Variants in ITGAM observed in about 807,000 individuals in gnomAD.
ITGAM encodes integrin alpha-M.
A neutral mutation model predicts 137.5 loss-of-function variants in ITGAM; 79 were observed. The observed-to-expected ratio is 0.57, with a 90% CI of 0.48 to 0.69. ITGAM has a LOEUF of 0.69. ITGAM is among the 30% of genes least tolerant of loss of function. ITGAM has a pLI of 0.00. For synonymous variants in ITGAM, 583 were observed against 592.3 expected (o/e 0.98, Z 0.23); for missense variants, 1,343 against 1,483.5 (o/e 0.91, Z 1.56).
At chr16:31,302,620 C>T (rs566681908) in intron 14 of ITGAM, among the ~76,000 whole-genome samples, 16 of 151,156 alleles carry the variant, frequency 1.1e-4, no homozygotes, top group Admixed American at 5.9e-4. Context: ...CTGCAACCTC[C>T]GCATCCCAGG....
At chr16:31,262,585 T>G (rs1596964436) in intron 2 of ITGAM, among the ~76,000 whole-genome samples, 1 of 151,948 alleles carries the variant, frequency 6.6e-6, no homozygotes, top group Non-Finnish European at 1.5e-5. Context: ...TGATTTTTTT[T>G]GTATAGACGA....
intron 12 of ITGAM, among the ~76,000 whole-genome samples, chr16:31,285,056 T>G (rs983946152): frequency 9.2e-5 from 14 of 152,076 alleles, no homozygotes; most frequent in African/African-American, 3.4e-4. Flanking sequence ...ATTCCTGTCC[T>G]TTTAAGGGCT....
In ITGAM at chr16:31,276,669, A is replaced by C; in HGVS notation, c.1010-2A>C. 1 of 1,607,908 alleles carries C rather than the reference A, an allele frequency of 6.2e-7. No individual in the cohort carries two copies. Among genetic ancestry groups the C allele is most frequent in the Non-Finnish European group, 8.5e-7 (1 of 1,176,272 alleles). ...TAATATAGAAACTTCTCCTCTTTAC[A>C]GGTACTCAGACAGGAAGTAGCAGCT... On this transcript the variant is annotated splice_acceptor_variant, in intron 9 of 29. Transcript: ENST00000544665. LOFTEE classifies it high-confidence loss of function.
At position 31,324,141 on chromosome 16, in the gene ITGAM, AAGT is replaced by A. The variant is rs1286069681; in HGVS notation, c.2003-255_2003-253del. On this transcript the variant is annotated intron_variant, in intron 16 of 29. Transcript: ENST00000544665. This position sits in a 1 kb window ranked among gnomAD's most constrained non-coding sequence, Gnocchi z 4.5. ...AGAAGGGAAGGAAGGAAAGGAAGGA[AAGT>A]AGGAAAGGAAGGAAAGGAAGAAAAG... 1.7e-4 allele frequency among the ~76,000 whole-genome samples: 26 copies of A among 150,534 alleles called. No homozygotes were observed. The highest frequency in any genetic ancestry group is 6.8e-3 in the Middle Eastern group (2 of 294).
rs1389726970 is a variant in ITGAM at position 31,290,095 on chromosome 16, A to AT, written c.1357-7419_1357-7418insT. Among the ~76,000 whole-genome samples, 3 of 151,970 alleles carry AT rather than the reference A, an allele frequency of 2.0e-5. No homozygotes were observed. In the East Asian group the frequency reaches 5.8e-4, roughly 29 times the overall value. On this transcript the variant is annotated intron_variant, in intron 12 of 29. Coordinates refer to ENST00000544665, the MANE Select transcript of ITGAM (RefSeq NM_000632.4). ...AAACTCCATCCAAAAAAAAAAAAAA[A>AT]AAAAAAGAAATACAACTGATTCTTA...
intron 5 of ITGAM, among the ~76,000 whole-genome samples, chr16:31,270,167 C>CCTT (rs1334791432): frequency 0.035 from 1,344 of 38,926 alleles, 34 homozygotes; most frequent in African/African-American, 0.09. Context: ...CCTTTCCTTT[C>CCTT]CTTTCCTTTC....
chr16:31,315,961 G>A (rs1483899766), intron 14 of ITGAM, among the ~76,000 whole-genome samples: 1 of 151,600 alleles, frequency 6.6e-6, no homozygotes, highest in Non-Finnish European at 1.5e-5. Flanking sequence ...TTGGAAGGCT[G>A]AGGCGGGTGG....
rs754880491 is a variant in ITGAM at position 31,328,193 on chromosome 16, C to G, written c.2755C>G (p.Leu919Val). ...CAACAAAACCGAATTCCAACTGGAG[C>G]TGCCGGTGAAATATGCTGTCTACAT... is the stretch of plus-strand genomic sequence containing the variant. ...RTNKTEFQLE[L>V]PVKYAVYMVV... The change falls in exon 23 of 30, where the codon CTG becomes GTG. Residue 919 changes from leucine to valine, a missense_variant. Transcript: ENST00000544665. 6.8e-6 allele frequency: 11 copies of G among 1,613,976 alleles called. No homozygotes were observed. The Admixed American group carries it at 1.7e-4, about 24-fold the overall frequency.
At chr16:31,308,811 A>G (rs2080292825) in intron 14 of ITGAM, among the ~76,000 whole-genome samples, 1 of 151,872 alleles carries the variant, frequency 6.6e-6, no homozygotes, top group South Asian at 2.1e-4. Context: ...TTCCCTCTAC[A>G]CACTACTTTG....
chr16:31,263,273 T>C (rs1391290468), intron 2 of ITGAM, among the ~76,000 whole-genome samples: 1 of 152,238 alleles, frequency 6.6e-6, no homozygotes, highest in Non-Finnish European at 1.5e-5. Flanking sequence ...TTAGATCTCT[T>C]GTTAATGAAC....
At chr16:31,291,927 T>C (rs185769531) in intron 12 of ITGAM, among the ~76,000 whole-genome samples, 168 of 152,190 alleles carry the variant, frequency 1.1e-3, no homozygotes, top group African/African-American at 3.8e-3. Flanking sequence ...TCAAAATAAC[T>C]ACAGGAATGG....
chr16:31,297,744 G>A lies in ITGAM; in HGVS notation c.1498-1G>A. On this transcript the variant is annotated splice_acceptor_variant, in intron 13 of 29. Coordinates refer to ENST00000544665, the MANE Select transcript of ITGAM (RefSeq NM_000632.4). LOFTEE classifies it high-confidence loss of function. ...GGCCTGATACTGTTTGTGTTTAGCA[G>A]AGGGCTCGGTGGCAGTGTGATGCTG... 1 of 1,595,450 alleles carries A rather than the reference G, an allele frequency of 6.3e-7. No individual in the cohort carries two copies. Among genetic ancestry groups the A allele is most frequent in the Non-Finnish European group, 8.5e-7 (1 of 1,172,614 alleles).
intron 5 of ITGAM, among the ~76,000 whole-genome samples, chr16:31,268,144 TGCATTCTCTTCACCCCCGGCTG>T (rs2079790620): frequency 6.6e-6 from 1 of 151,994 alleles, no homozygotes; most frequent in Admixed American, 6.6e-5. Flanking sequence ...GCTTCCTGAG[TGCATTCTCTTCACCCCCGGCTG>T]GCCTCCAGCT....
At chr16:31,299,798 C>CTCCTCT (rs1344610644) in intron 14 of ITGAM, among the ~76,000 whole-genome samples, 3 of 141,010 alleles carry the variant, frequency 2.1e-5, no homozygotes, top group Non-Finnish European at 4.6e-5. Flanking sequence ...CCCCCTCCTC[C>CTCCTCT]TCCTCTTCCT....
intron 12 of ITGAM, among the ~76,000 whole-genome samples, chr16:31,282,974 A>G (rs1285973193): frequency 1.3e-5 from 2 of 152,146 alleles, no homozygotes; most frequent in Non-Finnish European, 2.9e-5. Context: ...TCCTTCACTT[A>G]TGAAGCTTAG....
rs772207432 is a variant in ITGAM at position 31,273,427 on chromosome 16, T to A, written c.767T>A (p.Ile256Asn). The A allele has an allele frequency of 6.2e-7, 1 of 1,613,866 alleles. No individual in the cohort carries two copies. Among genetic ancestry groups the A allele is most frequent in the South Asian group, 1.1e-5 (1 of 91,080 alleles). Residue 256 changes from isoleucine to asparagine, a missense_variant, in exon 8 of 30, where the codon ATC becomes AAC. Transcript: ENST00000544665. Reference protein sequence around the residue: ...RKNAFKILVVITDGEKFGDPL... With the variant: ...RKNAFKILVVNTDGEKFGDPL... ...AATGCCTTTAAGATCCTAGTTGTCA[T>A]CACGGATGGAGAAAAGTTTGGCGAT...
chr16:31,327,031 C>T, intron 22 of ITGAM, 96 bp downstream of exon 22: 7 of 900,778 alleles, frequency 7.8e-6, no homozygotes, highest in Non-Finnish European at 1.3e-5. Context: ...ACTGGTTCTC[C>T]CTTCAACTCA....
intron 23 of ITGAM, 67 bp downstream of exon 23, chr16:31,328,297 T>A (rs1461880379): frequency 2.5e-5 from 30 of 1,203,388 alleles, no homozygotes; most frequent in Non-Finnish European, 1.4e-5. Flanking sequence ...TGTGCATCTG[T>A]GTGCATGAGT....
chr16:31,331,567 TC>T, intron 29 of ITGAM, 68 bp from the exon 30 acceptor site: 4 of 170,280 alleles, frequency 2.3e-5, no homozygotes, highest in Non-Finnish European at 4.5e-5. Flanking sequence ...TCCCGCCCCC[TC>T]CCCCTGGTCT....
Sources: gnomAD v4.1 joint callset for allele counts (sites outside exome capture counted in the v4.1 genomes callset) on GRCh38, gnomAD v4.1.1 for gene constraint, Gnocchi (gnomAD v3.1) non-coding constraint, MANE v1.5 for transcripts, NCBI Gene and HGNC (gene_info 2026-07-23, HGNC 2026-07-21) for gene names.